CEMIP: variants seen among roughly 807,000 people sequenced by gnomAD.
CEMIP encodes cell migration inducing hyaluronidase 1.
CEMIP carries 105 observed loss-of-function variants against 156.9 expected under a neutral mutation model. The ratio of observed to expected loss-of-function variants is 0.67; its 90% CI spans 0.57 to 0.79. CEMIP has a LOEUF of 0.79. Ranked by LOEUF, CEMIP falls within the 30% of genes least tolerant of loss-of-function variation. CEMIP has a pLI of 0.00. For missense variants in CEMIP, 1,457 were observed against 1,769.4 expected (o/e 0.82, Z 3.17); for synonymous variants, 676 against 668.4 (o/e 1.01, Z -0.17).
At chr15:80,838,753 A>G (rs1897320775) in intron 1 of CEMIP, among the ~76,000 whole-genome samples, 1 of 152,172 alleles carries the variant, frequency 6.6e-6, no homozygotes, top group South Asian at 2.1e-4. Flanking sequence ...GAGTACTTCC[A>G]TGTTCTCTCT....
At chr15:80,927,431 G>T (rs1302484882) in intron 19 of CEMIP, among the ~76,000 whole-genome samples, 1 of 152,134 alleles carries the variant, frequency 6.6e-6, no homozygotes, top group Non-Finnish European at 1.5e-5. Context: ...GGAAGCCCTG[G>T]GTTGAAGAGA....
At chr15:80,896,836 G>A (rs191527577) in intron 12 of CEMIP, among the ~76,000 whole-genome samples, 6 of 152,318 alleles carry the variant, frequency 3.9e-5, no homozygotes, top group South Asian at 2.1e-4. Flanking sequence ...AGGATAAGCT[G>A]AATAACTAAC....
At chr15:80,844,542 C>T (rs570035339) in intron 1 of CEMIP, among the ~76,000 whole-genome samples, 164 of 152,288 alleles carry the variant, frequency 1.1e-3, no homozygotes, top group Non-Finnish European at 2.1e-3. Context: ...AACCACCCCC[C>T]AGATGACTCA....
intron 1 of CEMIP, among the ~76,000 whole-genome samples, chr15:80,795,074 GC>G (rs2141587935): frequency 6.6e-6 from 1 of 152,104 alleles, no homozygotes; most frequent in South Asian, 2.1e-4. Flanking sequence ...ATTGGCTGGG[GC>G]AGGGAAAGTG....
At chr15:80,810,517 T>G (rs890868001) in intron 1 of CEMIP, among the ~76,000 whole-genome samples, 4 of 152,058 alleles carry the variant, frequency 2.6e-5, no homozygotes, top group Non-Finnish European at 2.9e-5. Flanking sequence ...ACAGGCGCCC[T>G]CCACTGCGGC....
At position 80,951,197 on chromosome 15, in the gene CEMIP, G is replaced by T. The variant is rs1901807680; in HGVS notation, c.*2273G>T. 6.6e-6 allele frequency: 1 copy of T among 152,644 alleles called. No homozygotes were observed. Among genetic ancestry groups the T allele is most frequent in the African/African-American group, 2.4e-5 (1 of 41,462 alleles). 9.5% of individuals were successfully genotyped at this position (152,644 alleles called of 1,614,324 possible). A position where few individuals can be genotyped will look rare whatever the true frequency, so the allele number is the denominator to read the frequency against. On this transcript the variant is annotated 3_prime_UTR_variant, in exon 30 of 30. Coordinates refer to ENST00000394685, the MANE Select transcript of CEMIP (RefSeq NM_001293298.2). The stretch of plus-strand genomic sequence containing the variant: ...GGGTCTCACACTGTGAACCACTTAG[G>T]ATGTGATCACTTTCAGGTGGCCAGG...
chr15:80,928,197 C>T (rs960034079), intron 19 of CEMIP, among the ~76,000 whole-genome samples: 3 of 152,052 alleles, frequency 2.0e-5, no homozygotes, highest in African/African-American at 7.2e-5. Flanking sequence ...GTGAAGGCGG[C>T]CACTGTATTT....
chr15:80,889,099 G>A (rs1321971272), intron 9 of CEMIP, among the ~76,000 whole-genome samples: 1 of 152,308 alleles, frequency 6.6e-6, no homozygotes, highest in Admixed American at 6.5e-5. Context: ...AGGAAATGCA[G>A]ATAGGAATAG....
intron 23 of CEMIP, among the ~76,000 whole-genome samples, chr15:80,933,809 T>C (rs903848733): frequency 5.3e-5 from 8 of 152,208 alleles, no homozygotes; most frequent in African/African-American, 1.9e-4. Context: ...CCTAGCGAGA[T>C]TTTGGGGGTG....
At chr15:80,941,708 G>T (rs773214350) in intron 25 of CEMIP, 141 bp from the exon 26 acceptor site, 1 of 729,984 alleles carries the variant, frequency 1.4e-6, no homozygotes, top group East Asian at 2.6e-5. Context: ...CATGCAACTC[G>T]GTGGTAGACA....
intron 1 of CEMIP, among the ~76,000 whole-genome samples, chr15:80,850,221 C>T (rs1293028685): frequency 1.3e-5 from 2 of 152,000 alleles, no homozygotes; most frequent in African/African-American, 4.8e-5. Context: ...GGGAGTGATT[C>T]CTAGTCAGGG....
At position 80,884,063 on chromosome 15, in the gene CEMIP, C is replaced by T. The variant is rs147658717; in HGVS notation, c.618-112C>T. On this transcript the variant is annotated intron_variant, in intron 6 of 29. Coordinates refer to ENST00000394685, the MANE Select transcript of CEMIP (RefSeq NM_001293298.2). ...AGGCTTCCTTCTTTAAGAATCACAGCCCTGGGATCATCGGATAGCATGTTA... is the reference window on the plus strand; with the variant it reads ...AGGCTTCCTTCTTTAAGAATCACAGTCCTGGGATCATCGGATAGCATGTTA... 6.7e-5 allele frequency: 72 copies of T among 1,066,852 alleles called. No individual in the cohort carries two copies. The African/African-American group carries it at 9.0e-4, about 13-fold the overall frequency. 66.1% of individuals were successfully genotyped at this position (1,066,852 alleles called of 1,614,324 possible).
At chr15:80,889,651 TAG>T in intron 10 of CEMIP, 59 bp downstream of exon 10, 2 of 1,600,860 alleles carry the variant, frequency 1.2e-6, no homozygotes, top group Non-Finnish European at 1.7e-6. Context: ...GAAGACTCTA[TAG>T]ATCACAGACA....
rs141069943 is a variant in CEMIP, at chr15:80,943,047, A to G, written c.3802A>G (p.Ile1268Val). 4.3e-5 allele frequency: 69 copies of G among 1,614,250 alleles called. No homozygotes were observed. In the African/African-American group the frequency reaches 8.5e-4, roughly 20 times the overall value. Residue 1268 changes from isoleucine to valine, a missense_variant, in exon 28 of 30, where the codon ATT (isoleucine) becomes GTT (valine). Around this residue, in one of 5 missense-constraint regions of CEMIP, gnomAD observed 798 missense variants for 980.1 expected, o/e 0.81. Transcript: ENST00000394685. Reference sequence around the variant, plus strand: ...GAGCCACACGAGCTTCAGGAACTCCATTCTGCAAGGCATACCATGGCAGCT... The same window carrying G: ...GAGCCACACGAGCTTCAGGAACTCCGTTCTGCAAGGCATACCATGGCAGCT... Reference protein sequence around the residue: ...VVSHTSFRNSILQGIPWQLFN... With the variant: ...VVSHTSFRNSVLQGIPWQLFN...
intron 1 of CEMIP, among the ~76,000 whole-genome samples, chr15:80,810,660 G>A (rs1896647712): frequency 6.6e-6 from 1 of 152,160 alleles, no homozygotes; most frequent in South Asian, 2.1e-4. Context: ...CGGCCTACCT[G>A]TGTTCTTTAA....
intron 18 of CEMIP, 59 bp downstream of exon 18, chr15:80,924,765 C>T (rs1437015689): frequency 1.2e-4 from 168 of 1,392,768 alleles, no homozygotes; most frequent in Non-Finnish European, 1.6e-4. Context: ...CTCCTGCCTC[C>T]CCCTCCTTCA....
intron 1 of CEMIP, among the ~76,000 whole-genome samples, chr15:80,805,049 G>A (rs540924054): frequency 5.1e-4 from 77 of 152,142 alleles, no homozygotes; most frequent in African/African-American, 1.8e-3. Context: ...TAGCTAGCAC[G>A]AGAGGGCCCC....
At chr15:80,836,899 C>T (rs1362760494) in intron 1 of CEMIP, among the ~76,000 whole-genome samples, 2 of 152,218 alleles carry the variant, frequency 1.3e-5, no homozygotes, top group African/African-American at 4.8e-5. Context: ...AAGGGCTAAG[C>T]AGTGGAGTCC....
chr15:80,915,187 A>G (rs1304610608), intron 14 of CEMIP, among the ~76,000 whole-genome samples: 1 of 152,228 alleles, frequency 6.6e-6, no homozygotes, highest in African/African-American at 2.4e-5. Flanking sequence ...CATGACTCCT[A>G]AACCATAATT....
Sources: gnomAD v4.1 joint callset for allele counts (sites outside exome capture counted in the v4.1 genomes callset) on GRCh38, gnomAD v4.1.1 for gene constraint, gnomAD v4.1.1 regional missense constraint, MANE v1.5 for transcripts, NCBI Gene and HGNC (gene_info 2026-07-23, HGNC 2026-07-21) for gene names.